The following BOD1L1 variants were observed in gnomAD, a reference collection of about 807,000 sequenced individuals.
BOD1L1 encodes biorientation of chromosomes in cell division 1 like 1, also known as biorientation of chromosomes in cell division protein 1-like 1.
Under a neutral mutation model 240.7 loss-of-function variants are expected in BOD1L1, and 86 were observed. The observed-to-expected ratio is 0.36, with a 90% CI of 0.30 to 0.43. The LOEUF is 0.43. BOD1L1 is among the 20% of genes least tolerant of loss of function. The pLI, the probability that BOD1L1 is intolerant of heterozygous loss-of-function variation, is 1.00. For missense variants in BOD1L1, 3,554 were observed against 3,643.5 expected (o/e 0.98, Z 0.63); for synonymous variants, 1,268 against 1,272.3 (o/e 1.00, Z 0.07).
Position 13,604,189 on chromosome 4 carries a change from A to C in BOD1L1, c.2711T>G (p.Leu904Ter). Reference protein sequence around the residue: ...HKEKRRTKSLLEEKLVLKSKS... With the variant: ...HKEKRRTKSL ...AGACTTCAACACAAGTTTCTCTTCTAACAAGCTCTTTGTTCGTCGTTTCTC... is the reference window on the plus strand; with the variant it reads ...AGACTTCAACACAAGTTTCTCTTCTCACAAGCTCTTTGTTCGTCGTTTCTC... Residue 904 changes from leucine (L) to a stop codon, truncating the protein, a stop_gained, in exon 10 of 26, where the codon TTA (leucine) becomes TGA (stop). Coordinates refer to ENST00000040738, the MANE Select transcript of BOD1L1 (RefSeq NM_148894.3). LOFTEE classifies it high-confidence loss of function. The C allele has an allele frequency of 6.2e-7, 1 of 1,613,464 alleles. No homozygotes were observed.
intron 17 of BOD1L1, among the ~76,000 whole-genome samples, chr4:13,583,847 T>C (rs1713429528): frequency 6.6e-6 from 1 of 152,230 alleles, no homozygotes; most frequent in South Asian, 2.1e-4. Flanking sequence ...AAACAAACTC[T>C]GCAAATTCAT....
chr4:13,591,031 A>G (rs567041991), intron 13 of BOD1L1, among the ~76,000 whole-genome samples: 1 of 152,172 alleles, frequency 6.6e-6, no homozygotes, highest in African/African-American at 2.4e-5. Flanking sequence ...CTCCAACCCC[A>G]TTTAAAGTCT....
chr4:13,581,232 A>G (rs779491708), intron 19 of BOD1L1, 25 bp from the exon 20 acceptor site: 6 of 1,478,546 alleles, frequency 4.1e-6, no homozygotes, highest in East Asian at 2.4e-5. Context: ...AAAAACAACA[A>G]CAGCAATAAG....
Position 13,602,286 on chromosome 4 carries a change from G to A in BOD1L1, c.4614C>T (p.Ala1538=). 1 of 1,613,836 alleles carries A rather than the reference G, an allele frequency of 6.2e-7. No homozygotes were observed. The highest frequency in any genetic ancestry group is 8.5e-7 in the Non-Finnish European group (1 of 1,179,834). ...VTLSPVKAGP[A]TTTSSETRQS... ...GTCTTGTTTCTGAAGAAGTGGTTGT[G>A]GCAGGCCCAGCCTTCACTGGACTTA... Residue 1538 remains alanine (A), a synonymous_variant, in exon 10 of 26, where the codon GCC becomes GCT. Transcript: ENST00000040738.
At position 13,610,991 on chromosome 4, in the gene BOD1L1, T is replaced by C. The variant is rs764529789; in HGVS notation, c.1434A>G (p.Ser478=). 1.2e-6 allele frequency: 2 copies of C among 1,612,914 alleles called. No homozygotes were observed. The highest frequency in any genetic ancestry group is 4.5e-5 in the East Asian group (2 of 44,834). ...HAYVHKPYLY[S]KYYSDSDDEL... ...CATCATCAGAATCACTATAGTATTT[T>C]GAGTAAAGATATGGTTTGTGGACAT... Residue 478 remains serine, a synonymous_variant, in exon 6 of 26, where the codon TCA becomes TCG. Transcript: ENST00000040738.
At chr4:13,597,408 G>T (rs1321412743) in intron 10 of BOD1L1, among the ~76,000 whole-genome samples, 1 of 152,142 alleles carries the variant, frequency 6.6e-6, no homozygotes, top group African/African-American at 2.4e-5. Flanking sequence ...TAAGATAACT[G>T]CCCAGAAAGA....
intron 3 of BOD1L1, among the ~76,000 whole-genome samples, chr4:13,615,016 A>T (rs1192865365): frequency 6.6e-6 from 1 of 152,302 alleles, no homozygotes; most frequent in African/African-American, 2.4e-5. Flanking sequence ...TAGCGAGGGC[A>T]CCATGCAAAT....
intron 17 of BOD1L1, 59 bp from the exon 18 acceptor site, chr4:13,582,795 T>A: frequency 8.7e-7 from 1 of 1,153,412 alleles, no homozygotes; most frequent in Non-Finnish European, 1.3e-6. Flanking sequence ...CGTCCATTCA[T>A]CCTCCCCACA....
intron 5 of BOD1L1, among the ~76,000 whole-genome samples, chr4:13,611,366 CAG>C (rs982336606): frequency 4.6e-5 from 7 of 152,122 alleles, no homozygotes; most frequent in Non-Finnish European, 4.4e-5. Context: ...TTAAATGTAA[CAG>C]AGTTTTCTGG....
intron 3 of BOD1L1, among the ~76,000 whole-genome samples, 166 bp from the exon 4 acceptor site, chr4:13,614,976 T>A (rs966559975): frequency 2.0e-5 from 3 of 152,210 alleles, no homozygotes; most frequent in Non-Finnish European, 2.9e-5. Flanking sequence ...TACCATATTC[T>A]GAATTATCTA....
intron 25 of BOD1L1, chr4:13,572,842 T>C: frequency 7.8e-7 from 1 of 1,289,662 alleles, no homozygotes. Flanking sequence ...TATGTTGCTT[T>C]CTGAAACAGA....
chr4:13,625,426 A>C (rs1354459451), intron 1 of BOD1L1: 1 of 152,298 alleles, frequency 6.6e-6, no homozygotes. Context: ...CTTCCCTCCA[A>C]AAAAGGTTTT....
Position 13,581,157 on chromosome 4 carries a change from G to A in BOD1L1, c.8643C>T (p.Tyr2881=). 6.3e-7 allele frequency: 1 copy of A among 1,576,668 alleles called. No individual in the cohort carries two copies. Among genetic ancestry groups the A allele is most frequent in the Admixed American group, 1.8e-5 (1 of 55,028 alleles). ...IKRKRGRPRK[Y]PVETTLKMKD... ...TCATTTTTAACGTTGTTTCTACAGG[G>A]TATTTGCGAGGTCTTCCTCTTTTCC... The change falls in exon 20 of 26, where the codon TAC becomes TAT. Residue 2881 remains tyrosine, a synonymous_variant. Coordinates refer to ENST00000040738, the MANE Select transcript of BOD1L1 (RefSeq NM_148894.3).
chr4:13,601,995 T>G lies in BOD1L1; in HGVS notation c.4905A>C (p.Ala1635=), dbSNP rs771517364. The G allele has an allele frequency of 1.9e-6, 3 of 1,614,050 alleles. No homozygotes were observed. The highest frequency in any genetic ancestry group is 2.5e-6 in the Non-Finnish European group (3 of 1,179,900). The change falls in exon 10 of 26, where the codon GCA becomes GCC. Residue 1635 remains alanine, a synonymous_variant. Coordinates refer to ENST00000040738, the MANE Select transcript of BOD1L1 (RefSeq NM_148894.3). Reference sequence around the variant, plus strand: ...TATTTACATTGGCTTCGATTTTAACTGCATGCACAGCCAGTAGGTCTGCTG... The same window carrying G: ...TATTTACATTGGCTTCGATTTTAACGGCATGCACAGCCAGTAGGTCTGCTG... ...DRAADLLAVH[A]VKIEANVNSV...
rs573413586 is a variant in BOD1L1 at position 13,595,762 on chromosome 4, T to A, written c.8104+98A>T. The A allele has an allele frequency of 1.5e-5, 13 of 847,630 alleles. No homozygotes were observed. The East Asian group carries it at 2.3e-4, about 15-fold the overall frequency. The allele number at this position is 847,630 out of a possible 1,614,324, so 52.5% of individuals were successfully genotyped here. A position where few individuals can be genotyped will look rare whatever the true frequency, so the allele number is the denominator to read the frequency against. ...AAGTGAGAGGCAAGTTAATAGAGCC[T>A]GTATGTTACTATGCATCAGCTATTG... On this transcript the variant is annotated intron_variant, in intron 12 of 25. Transcript: ENST00000040738.
intron 17 of BOD1L1, among the ~76,000 whole-genome samples, chr4:13,583,632 C>CT (rs1447511292): frequency 6.6e-6 from 1 of 152,144 alleles, no homozygotes; most frequent in African/African-American, 2.4e-5. Context: ...GATCTTCATT[C>CT]TTTTTTACCT....
At position 13,600,455 on chromosome 4, in the gene BOD1L1, C is replaced by G. The variant is rs960506238; in HGVS notation, c.6445G>C (p.Gly2149Arg). The change falls in exon 10 of 26, where the codon GGG (glycine) becomes CGG (arginine). Residue 2149 changes from glycine (G) to arginine (R), a missense_variant. Coordinates refer to ENST00000040738, the MANE Select transcript of BOD1L1 (RefSeq NM_148894.3). ...GAGATAGGCAATTCGAATTCTTCCCCTATGCTTGTGGAAATCATGGCACAC... is the reference window on the plus strand; with the variant it reads ...GAGATAGGCAATTCGAATTCTTCCCGTATGCTTGTGGAAATCATGGCACAC... ...DECAMISTSI[G>R]EEFELPISSA... The G allele has an allele frequency of 2.5e-6, 4 of 1,613,692 alleles. No homozygotes were observed. In the African/African-American group the frequency reaches 5.3e-5, roughly 22 times the overall value.
Position 13,603,659 on chromosome 4 carries a change from C to T in BOD1L1, c.3241G>A (p.Glu1081Lys), listed in dbSNP as rs1384495586. 1.2e-6 allele frequency: 2 copies of T among 1,613,962 alleles called. No homozygotes were observed. The highest frequency in any genetic ancestry group is 1.7e-6 in the Non-Finnish European group (2 of 1,179,870). ...AATTTTTCTTCTCCTTTGGCCATTT[C>T]TTGTGACAAGCTTCCTCTCCGATTT... ...CENRRGSLSQ[E>K]MAKGEEKLAA... The change falls in exon 10 of 26, where the codon GAA becomes AAA. Residue 1081 changes from glutamate to lysine, a missense_variant. Around this residue, in one of 2 missense-constraint regions of BOD1L1, gnomAD observed 3,393 missense variants for 3,427.1 expected, o/e 0.99. Coordinates refer to ENST00000040738, the MANE Select transcript of BOD1L1 (RefSeq NM_148894.3).
Position 13,599,525 on chromosome 4 carries a change from C to T in BOD1L1, c.7375G>A (p.Ala2459Thr). 1 of 1,614,050 alleles carries T rather than the reference C, an allele frequency of 6.2e-7. No homozygotes were observed. Among genetic ancestry groups the T allele is most frequent in the Non-Finnish European group, 8.5e-7 (1 of 1,179,900 alleles). Residue 2459 changes from alanine (A) to threonine (T), a missense_variant, in exon 10 of 26, where the codon GCA (alanine) becomes ACA (threonine). Ala to Thr is a moderately conservative substitution (Grantham distance 58). Transcript: ENST00000040738. The part of the protein sequence containing the change: ...QKESTLHLIN[A>T]EEKNVLLNSL... ...TTCAACAATACATTCTTCTCTTCTG[C>T]ATTTATGAGGTGTAAAGTGCTCTCT...
Sources: gnomAD v4.1 joint callset for allele counts (sites outside exome capture counted in the v4.1 genomes callset) on GRCh38, gnomAD v4.1.1 for gene constraint, gnomAD v4.1.1 regional missense constraint, MANE v1.5 for transcripts, NCBI Gene and HGNC (gene_info 2026-07-23, HGNC 2026-07-21) for gene names.